Variants in VDR observed in about 807,000 individuals in gnomAD.
The protein encoded by VDR is vitamin D3 receptor.
A neutral mutation model predicts 39.7 loss-of-function variants in VDR; 19 were observed. The ratio of observed to expected loss-of-function variants is 0.48; its 90% confidence interval spans 0.33 to 0.70. The LOEUF is 0.70. Among genes scored for constraint, VDR ranks in the 30% least tolerant of loss-of-function variants. The pLI, the probability that VDR is intolerant of heterozygous loss-of-function variation, is 0.02. For missense variants in VDR, 442 were observed against 570.5 expected (o/e 0.77, Z 2.29); for synonymous variants, 242 against 215.8 (o/e 1.12, Z -1.07).
intron 3 of VDR, among the ~76,000 whole-genome samples, chr12:47,873,330 T>C (rs1248614588): frequency 2.0e-5 from 3 of 149,862 alleles, no homozygotes; most frequent in Non-Finnish European, 4.4e-5. Context: ...TGCAGAACCA[T>C]GAGTCAATTA....
chr12:47,845,011 G>A lies in VDR; in HGVS notation c.1025-6C>T, dbSNP rs1300977281. 1.9e-6 allele frequency: 3 copies of A among 1,611,186 alleles called. No individual in the cohort carries two copies. Among genetic ancestry groups the A allele is most frequent in the Non-Finnish European group, 2.5e-6 (3 of 1,179,892 alleles). The stretch of plus-strand genomic sequence containing the variant: ...GTCCTGCACCCCAGGACGATCTGTG[G>A]GCACGGGGATAGAGAAGAAGGCACA... On this transcript the variant is annotated splice_region_variant and splice_polypyrimidine_tract_variant and intron_variant, in intron 9 of 9. Transcript: ENST00000549336.
chr12:47,904,462 T>TAAAAAAAAAAAAAAAAAAAAA (rs17886628), intron 1 of VDR: 39 of 360,336 alleles, frequency 1.1e-4, no homozygotes, highest in Middle Eastern at 8.6e-4. Flanking sequence ...CAAAGAAAAG[T>TAAAAAAAAAAAAAAAAAAAAA]AAAAAAAAAA....
chr12:47,857,640 T>C lies in VDR; in HGVS notation c.326A>G (p.Lys109Arg), dbSNP rs1945519031. The change falls in exon 5 of 10, where the codon AAG becomes AGG. Residue 109 changes from lysine (K) to arginine (R), a missense_variant. Coordinates refer to ENST00000549336, the MANE Select transcript of VDR (RefSeq NM_000376.3). ...CTTCAAGGCCTCCTCCTCCTTCCGCTTCAGGATCATCTCCCGCTTCCTCTG... is the reference window on the plus strand; with the variant it reads ...CTTCAAGGCCTCCTCCTCCTTCCGCCTCAGGATCATCTCCCGCTTCCTCTG... ...EVQRKREMIL[K>R]RKEEEALKDS... 1.9e-6 allele frequency: 3 copies of C among 1,614,042 alleles called. No homozygotes were observed. In the East Asian group the frequency reaches 6.7e-5, roughly 36 times the overall value.
intron 7 of VDR, among the ~76,000 whole-genome samples, chr12:47,851,291 T>C (rs1945383000): frequency 6.6e-6 from 1 of 152,148 alleles, no homozygotes; most frequent in Non-Finnish European, 1.5e-5. Flanking sequence ...ACCTCCTCCA[T>C]GCATTTCATT....
chr12:47,850,800 G>A (rs2239184), intron 7 of VDR, among the ~76,000 whole-genome samples: 83,080 of 151,470 alleles, frequency 0.55, 23,147 homozygotes, highest in African/African-American at 0.63. Context: ...CTGGGCACCC[G>A]AGATGTGACT....
intron 4 of VDR, 21 bp from the exon 5 acceptor site, chr12:47,857,709 T>TAC (rs1945521210): frequency 6.2e-7 from 1 of 1,608,770 alleles, no homozygotes; most frequent in Non-Finnish European, 8.5e-7. Context: ...GGAAGGGGAG[T>TAC]CAGGAGGGCT....
At chr12:47,877,567 C>T (rs1275702983) in intron 3 of VDR, among the ~76,000 whole-genome samples, 1 of 152,138 alleles carries the variant, frequency 6.6e-6, no homozygotes, top group East Asian at 1.9e-4. Context: ...CAGACCATGC[C>T]TTTCTGATGG....
intron 3 of VDR, among the ~76,000 whole-genome samples, chr12:47,865,806 G>C (rs997900470): frequency 6.7e-6 from 1 of 148,518 alleles, no homozygotes; most frequent in Non-Finnish European, 1.5e-5. Context: ...TCCACCTCCC[G>C]GGTTCACACC....
intron 3 of VDR, among the ~76,000 whole-genome samples, chr12:47,869,319 G>T (rs558578693): frequency 6.6e-6 from 1 of 151,644 alleles, no homozygotes; most frequent in Non-Finnish European, 1.5e-5. Flanking sequence ...GGCGGATCGC[G>T]AGGTCAGGAG....
intron 9 of VDR, 26 bp downstream of exon 9, chr12:47,846,309 G>A: frequency 6.2e-7 from 1 of 1,600,936 alleles, no homozygotes. Flanking sequence ...CCAGGTCCCT[G>A]AGCTCCTCCC....
At chr12:47,862,379 T>C (rs1945644836) in intron 4 of VDR, among the ~76,000 whole-genome samples, 1 of 152,238 alleles carries the variant, frequency 6.6e-6, no homozygotes, top group African/African-American at 2.4e-5. Flanking sequence ...GCCTGCCCTT[T>C]GGAAGCAGAA....
intron 4 of VDR, 123 bp downstream of exon 4, chr12:47,864,924 C>T (rs1945696303): frequency 1.3e-6 from 2 of 1,541,106 alleles, no homozygotes; most frequent in Non-Finnish European, 1.8e-6. Flanking sequence ...GCCCTGGCCC[C>T]AGATGCTGGC....
At position 47,849,294 on chromosome 12, in the gene VDR, G is replaced by GA. The variant is rs973868663; in HGVS notation, c.756-2487dup. 4.6e-5 allele frequency among the ~76,000 whole-genome samples: 7 copies of GA among 152,064 alleles called. No individual in the cohort carries two copies. In the East Asian group the frequency reaches 9.7e-4, roughly 21 times the overall value. ...GGATGGCCAGCAAAGGATCTGTATT[G>GA]AAAAAAAATCACAACGTGCTAGAGT... On this transcript the variant is annotated intron_variant, in intron 7 of 9. Transcript: ENST00000549336.
At chr12:47,853,165 G>A (rs1945418767) in intron 7 of VDR, among the ~76,000 whole-genome samples, 1 of 152,168 alleles carries the variant, frequency 6.6e-6, no homozygotes. Flanking sequence ...AAGAATATTG[G>A]CCGGCAGTGG....
At chr12:47,861,941 T>C (rs1483118291) in intron 4 of VDR, among the ~76,000 whole-genome samples, 1 of 152,190 alleles carries the variant, frequency 6.6e-6, no homozygotes, top group Non-Finnish European at 1.5e-5. Flanking sequence ...ACAGACATGA[T>C]CAGGTTTGGG....
intron 7 of VDR, among the ~76,000 whole-genome samples, chr12:47,848,975 T>C (rs1945333124): frequency 6.6e-6 from 1 of 152,184 alleles, no homozygotes; most frequent in South Asian, 2.1e-4. Flanking sequence ...AGATGATCAA[T>C]AGAGATGCGT....
Position 47,842,692 on chromosome 12 carries a change from G to A in VDR, c.*2054C>T, listed in dbSNP as rs1380293348. ...TCTCCATGTTGGTCAGGTTGGTCTC[G>A]AACTCCCGACCTCAGGTGATCCACC... On this transcript the variant is annotated 3_prime_UTR_variant, in exon 10 of 10. Transcript: ENST00000549336. 4 of 142,872 alleles carry A rather than the reference G, an allele frequency of 2.8e-5. No individual in the cohort carries two copies. The highest frequency in any genetic ancestry group is 2.1e-4 in the East Asian group (1 of 4,792). 8.9% of individuals were successfully genotyped at this position (142,872 alleles called of 1,614,324 possible). A position where few individuals can be genotyped will look rare whatever the true frequency, so the allele number is the denominator to read the frequency against.
chr12:47,884,515 C>G (rs11574034), intron 1 of VDR, among the ~76,000 whole-genome samples: 1 of 152,140 alleles, frequency 6.6e-6, no homozygotes, highest in African/African-American at 2.4e-5. Context: ...CCTACTGCTC[C>G]GCACTGGGCC....
At chr12:47,882,628 T>TGCCCCCCCCCCCCCCC in intron 2 of VDR, 66 bp downstream of exon 2, 1 of 187,186 alleles carries the variant, frequency 5.3e-6, no homozygotes, top group Non-Finnish European at 9.9e-6. Context: ...CTTATGCCCC[T>TGCCCCCCCCCCCCCCC]CCCCCCCACC....
Sources: allele counts gnomAD v4.1 joint callset (sites outside exome capture counted in the v4.1 genomes callset), GRCh38; gene constraint gnomAD v4.1.1; transcripts MANE v1.5; gene names NCBI Gene and HGNC (gene_info 2026-07-23, HGNC 2026-07-21).